Variants in KRT33A observed in about 807,000 individuals in gnomAD.
KRT33A encodes the protein keratin, type I cuticular Ha3-I.
KRT33A carries 44 observed loss-of-function variants against 41.1 expected under a neutral mutation model. The observed-to-expected ratio is 1.07, with a 90% CI of 0.84 to 1.38. The LOEUF (loss-of-function observed/expected upper bound fraction) is 1.38, where lower values mean the gene tolerates loss of function less well. Ranked by LOEUF, KRT33A falls within the 40% of genes most tolerant of loss-of-function variation. KRT33A has a pLI of 0.00. For missense variants in KRT33A, 536 were observed against 518.5 expected (o/e 1.03, Z -0.33); for synonymous variants, 229 against 227.8 (o/e 1.01, Z -0.05).
rs143073969 is a variant in KRT33A at position 41,347,207 on chromosome 17, G to T, written c.604C>A (p.Arg202Ser). The T allele has an allele frequency of 3.1e-6, 5 of 1,611,988 alleles. No homozygotes were observed. The highest frequency in any genetic ancestry group is 1.1e-5 in the South Asian group (1 of 90,722). Reference protein sequence around the residue: ...QNHEQEVNTLRCQLGDRLNVE... With the variant: ...QNHEQEVNTLSCQLGDRLNVE... ...TTGAGGCGGTCTCCAAGCTGGCAGC[G>T]CAGGGTGTTAACCTCCTGATGGAGA... Residue 202 changes from arginine to serine, a missense_variant, in exon 4 of 7, where the codon CGC becomes AGC. Transcript: ENST00000007735.
intron 2 of KRT33A, 107 bp from the exon 3 acceptor site, chr17:41,348,746 T>TA (rs765256338): frequency 9.4e-5 from 110 of 1,168,370 alleles, no homozygotes; most frequent in Non-Finnish European, 1.3e-4. Context: ...TTGTAGTTTT[T>TA]ATAGCCATCT....
rs1197048188 is a variant in KRT33A, at chr17:41,346,473, T to C, written c.1072A>G (p.Ser358Gly). Reference protein sequence around the residue: ...RLECEINTYRSLLESEDCKLP... With the variant: ...RLECEINTYRGLLESEDCKLP... ...TTGCAGTCCTCGCTCTCCAGCAGGC[T>C]CCGGTACGTGTTGATCTCACACTCC... Residue 358 changes from serine to glycine, a missense_variant, in exon 6 of 7, where the codon AGC becomes GGC. Coordinates refer to ENST00000007735, the MANE Select transcript of KRT33A (RefSeq NM_004138.4). 1.9e-6 allele frequency: 3 copies of C among 1,613,890 alleles called. No homozygotes were observed. The highest frequency in any genetic ancestry group is 4.5e-5 in the East Asian group (2 of 44,880).
In KRT33A at chr17:41,350,666, G is replaced by A. The variant is rs1701092922; in HGVS notation, c.102C>T (p.Ala34=). Residue 34 remains alanine (A), a synonymous_variant, in exon 1 of 7, where the codon GCC becomes GCT. Transcript: ENST00000007735. The part of the protein sequence containing the change: ...PSCHGCTLPG[A]CNIPANVSNC... ...TGCTCACATTGGCGGGGATGTTGCA[G>A]GCCCCGGGCAGGGTGCAGCCGTGGC... The A allele has an allele frequency of 6.2e-7, 1 of 1,612,118 alleles. No homozygotes were observed. Among genetic ancestry groups the A allele is most frequent in the African/African-American group, 1.4e-5 (1 of 73,894 alleles).
In KRT33A at chr17:41,347,830, A is replaced by T. The variant is rs138294462; in HGVS notation, c.589-608T>A. Among the ~76,000 whole-genome samples the T allele has an allele frequency of 1.8e-3, 275 of 152,338 alleles. 4 individuals are homozygous for T. The highest frequency in any genetic ancestry group is 0.017 in the East Asian group (86 of 5,178). On this transcript the variant is annotated intron_variant, in intron 3 of 6. Transcript: ENST00000007735. ...CTACCACTTAATACATTGCTTCTAG[A>T]AGCTTCTTGAAGCCTCGATTTCTTC...
At chr17:41,350,348 TG>T in intron 1 of KRT33A, 71 bp downstream of exon 1, 1 of 1,545,954 alleles carries the variant, frequency 6.5e-7, no homozygotes, top group Non-Finnish European at 8.8e-7. Flanking sequence ...GAGCTTACGT[TG>T]TTTCTCAATC....
rs759631719 is a variant in KRT33A, at chr17:41,347,060, C to A, written c.750+1G>T. 29 of 1,613,248 alleles carry A rather than the reference C, an allele frequency of 1.8e-5. No individual in the cohort carries two copies. The highest frequency in any genetic ancestry group is 2.3e-5 in the Non-Finnish European group (27 of 1,179,496). On this transcript the variant is annotated splice_donor_variant, in intron 4 of 6. Coordinates refer to ENST00000007735, the MANE Select transcript of KRT33A (RefSeq NM_004138.4). LOFTEE classifies it high-confidence loss of function. ...GAGTGGCCACGTGCTTAGATGCCCA[C>A]CTGCGTGGCGAACCATTGCTCCACT...
At chr17:41,349,624 T>A (rs191602658) in intron 1 of KRT33A, among the ~76,000 whole-genome samples, 196 bp from the exon 2 acceptor site, 1 of 152,088 alleles carries the variant, frequency 6.6e-6, no homozygotes, top group East Asian at 1.9e-4. Context: ...AAAGTATAAG[T>A]AGATAATCTT....
chr17:41,346,616 T>C lies in KRT33A; in HGVS notation c.929A>G (p.Gln310Arg). 6.2e-7 allele frequency: 1 copy of C among 1,614,124 alleles called. No individual in the cohort carries two copies. Residue 310 changes from glutamine to arginine, a missense_variant, in exon 6 of 7, where the codon CAG (glutamine) becomes CGG (arginine). Coordinates refer to ENST00000007735, the MANE Select transcript of KRT33A (RefSeq NM_004138.4). ...GATCAGTCTCTGCACCTGGGACAGC[T>C]GGGAGCTGTAGCGGGCCTCGCTCTC... ...LTESEARYSSQLSQVQRLITN... is the reference protein window; with the variant it reads ...LTESEARYSSRLSQVQRLITN...
Position 41,348,468 on chromosome 17 carries a change from C to T in KRT33A, c.588+15G>A. Reference sequence around the variant, plus strand: ...TCCTGGCTAGTCTGAGCCCATCACTCTTCAGGGAACTCACCTGCTCATGGT... The same window carrying T: ...TCCTGGCTAGTCTGAGCCCATCACTTTTCAGGGAACTCACCTGCTCATGGT... On this transcript the variant is annotated intron_variant, in intron 3 of 6. Coordinates refer to ENST00000007735, the MANE Select transcript of KRT33A (RefSeq NM_004138.4). 1.2e-6 allele frequency: 2 copies of T among 1,613,712 alleles called. No homozygotes were observed. The highest frequency in any genetic ancestry group is 1.7e-6 in the Non-Finnish European group (2 of 1,179,994).
rs1291130402 is a variant in KRT33A, at chr17:41,350,633, G to A, written c.135C>T (p.Asn45=). 1 of 1,612,576 alleles carries A rather than the reference G, an allele frequency of 6.2e-7. No individual in the cohort carries two copies. Among genetic ancestry groups the A allele is most frequent in the Non-Finnish European group, 8.5e-7 (1 of 1,180,044 alleles). ...CATTGAAGGAGCCCTCACAGAACCA[G>A]TTGCAGTTGCTCACATTGGCGGGGA... ...CNIPANVSNC[N]WFCEGSFNGS... The change falls in exon 1 of 7, where the codon AAC becomes AAT. Residue 45 remains asparagine, a synonymous_variant. Coordinates refer to ENST00000007735, the MANE Select transcript of KRT33A (RefSeq NM_004138.4).
At chr17:41,346,315 A>G (rs1381364067) in intron 6 of KRT33A, 79 bp from the exon 7 acceptor site, 2 of 1,572,036 alleles carry the variant, frequency 1.3e-6, no homozygotes, top group African/African-American at 1.4e-5. Flanking sequence ...GGCTTTGTGT[A>G]AGAATATTGT....
At position 41,346,512 on chromosome 17, in the gene KRT33A, C is replaced by T. The variant is rs142473669; in HGVS notation, c.1033G>A (p.Val345Met). 3.5e-5 allele frequency: 57 copies of T among 1,613,876 alleles called. No homozygotes were observed. The African/African-American group carries it at 5.9e-4, about 17-fold the overall frequency. The change falls in exon 6 of 7, where the codon GTG becomes ATG. Residue 345 changes from valine to methionine, a missense_variant. Val to Met is a conservative substitution (Grantham distance 21). Coordinates refer to ENST00000007735, the MANE Select transcript of KRT33A (RefSeq NM_004138.4). ...QNQEYQVLLDVRARLECEINT... is the reference protein window; with the variant it reads ...QNQEYQVLLDMRARLECEINT... Reference sequence around the variant, plus strand: ...ATCTCACACTCCAGCCGCGCCCGCACGTCCAGCAGCACCTGATACTCCTGG... The same window carrying T: ...ATCTCACACTCCAGCCGCGCCCGCATGTCCAGCAGCACCTGATACTCCTGG...
intron 1 of KRT33A, among the ~76,000 whole-genome samples, chr17:41,349,869 G>A (rs1474453586): frequency 6.6e-6 from 1 of 152,002 alleles, no homozygotes; most frequent in African/African-American, 2.4e-5. Context: ...CCAGACAACT[G>A]GGACTACTTT....
chr17:41,347,169 G>A lies in KRT33A; in HGVS notation c.642C>T (p.Asp214=), dbSNP rs202198123. The A allele has an allele frequency of 1.0e-4, 165 of 1,614,162 alleles. 1 individual carries two copies. The highest frequency in any genetic ancestry group is 9.9e-4 in the Middle Eastern group (6 of 6,058). ...GGTTCAGGTCCACAGTGGGAGCAGC[G>A]TCCACCTCCACGTTGAGGCGGTCTC... ...QLGDRLNVEV[D]AAPTVDLNQV... Residue 214 remains aspartate, a synonymous_variant, in exon 4 of 7, where the codon GAC becomes GAT. Coordinates refer to ENST00000007735, the MANE Select transcript of KRT33A (RefSeq NM_004138.4).
intron 6 of KRT33A, 75 bp from the exon 7 acceptor site, chr17:41,346,311 G>T (rs1025503835): frequency 3.2e-6 from 5 of 1,571,040 alleles, no homozygotes; most frequent in Non-Finnish European, 4.4e-6. Context: ...AAAGGGCTTT[G>T]TGTAAGAATA....
At chr17:41,346,721 C>T in intron 5 of KRT33A, 53 bp from the exon 6 acceptor site, 1 of 1,610,722 alleles carries the variant, frequency 6.2e-7, no homozygotes, top group Admixed American at 1.7e-5. Context: ...TAAGGTTCCT[C>T]CATGGGGTTC....
intron 1 of KRT33A, 23 bp downstream of exon 1, chr17:41,350,397 G>T: frequency 6.2e-7 from 1 of 1,606,594 alleles, no homozygotes; most frequent in Non-Finnish European, 8.5e-7. Context: ...CCTACTGGAG[G>T]CACTGTGTCG....
Position 41,346,148 on chromosome 17 carries a change from A to C in KRT33A, c.1186T>G (p.Cys396Gly). The change falls in exon 7 of 7, where the codon TGT (cysteine) becomes GGT (glycine). Residue 396 changes from cysteine (C) to glycine (G), a missense_variant. Physicochemically the swap from Cys to Gly is radical, Grantham distance 159 (BLOSUM62 -3). Coordinates refer to ENST00000007735, the MANE Select transcript of KRT33A (RefSeq NM_004138.4). ...TACCCAAATGTGTTGCAAGGCCCAC[A>C]CCGAGCACGTAGGCCACAGGGATTA... ...ISNPCGLRAR[C>G]GPCNTFGY The C allele has an allele frequency of 6.2e-7, 1 of 1,613,972 alleles. No individual in the cohort carries two copies. Among genetic ancestry groups the C allele is most frequent in the Non-Finnish European group, 8.5e-7 (1 of 1,179,902 alleles).
intron 3 of KRT33A, 91 bp from the exon 4 acceptor site, chr17:41,347,313 C>G: frequency 1.4e-6 from 2 of 1,431,104 alleles, no homozygotes; most frequent in Non-Finnish European, 1.9e-6. Context: ...CATTCTTAAG[C>G]TTTCAAGAAA....
Sources: allele counts gnomAD v4.1 joint callset (sites outside exome capture counted in the v4.1 genomes callset), GRCh38; gene constraint gnomAD v4.1.1; transcripts MANE v1.5; gene names NCBI Gene and HGNC (gene_info 2026-07-23, HGNC 2026-07-21).